The following CALN1 variants were observed in gnomAD, a reference collection of about 807,000 sequenced individuals.
The protein encoded by CALN1 is calcium-binding protein 8.
CALN1 carries 17 observed loss-of-function variants against 30.6 expected under a neutral mutation model. The observed-to-expected ratio is 0.56, with a 90% CI of 0.38 to 0.83. The LOEUF is 0.83. Ranked by LOEUF, CALN1 falls within the 40% of genes least tolerant of loss-of-function variation. The pLI is 0.00. For synonymous variants in CALN1, 156 were observed against 131.4 expected (o/e 1.19, Z -1.28); for missense variants, 291 against 354.9 (o/e 0.82, Z 1.45).
intron 4 of CALN1, among the ~76,000 whole-genome samples, chr7:72,065,678 A>G (rs1476830083): frequency 1.3e-5 from 2 of 152,000 alleles, no homozygotes; most frequent in Non-Finnish European, 2.9e-5. Context: ...TCTGTGTGGA[A>G]GTCAGGAGTT....
intron 1 of CALN1, among the ~76,000 whole-genome samples, chr7:72,404,483 G>C (rs1433633796): frequency 6.6e-6 from 1 of 152,242 alleles, no homozygotes; most frequent in Admixed American, 6.5e-5. Context: ...GGAAGACGTT[G>C]GTGATGAAAC....
At chr7:72,256,199 C>G (rs754555417) in intron 3 of CALN1, among the ~76,000 whole-genome samples, 1 of 152,146 alleles carries the variant, frequency 6.6e-6, no homozygotes. Context: ...TGGCTCACAC[C>G]TATGATCCCA....
At chr7:72,209,914 T>C (rs1201305044) in intron 3 of CALN1, among the ~76,000 whole-genome samples, 1 of 152,190 alleles carries the variant, frequency 6.6e-6, no homozygotes, top group African/African-American at 2.4e-5. Flanking sequence ...ACAATATCCT[T>C]GGTACACTTT....
intron 3 of CALN1, among the ~76,000 whole-genome samples, chr7:72,235,135 A>AAACTAAAAAT (rs1794390055): frequency 6.6e-6 from 1 of 152,018 alleles, no homozygotes; most frequent in African/African-American, 2.4e-5. Flanking sequence ...TTAGCCAGTC[A>AAACTAAAAAT]TGGTAGCATG....
intron 2 of CALN1, among the ~76,000 whole-genome samples, chr7:72,364,646 G>A (rs77512960): frequency 0.088 from 13,342 of 152,078 alleles, 1,075 homozygotes; most frequent in East Asian, 0.36. Context: ...TAGATCCTCA[G>A]GAATTCTGAA....
chr7:71,809,240 T>C (rs1176217832), intron 6 of CALN1, among the ~76,000 whole-genome samples: 1 of 151,958 alleles, frequency 6.6e-6, no homozygotes, highest in Admixed American at 6.6e-5. Flanking sequence ...CCTTTAATGC[T>C]GGGTCCATGA....
chr7:72,404,481 T>C (rs1375774149), intron 1 of CALN1, among the ~76,000 whole-genome samples: 2 of 152,134 alleles, frequency 1.3e-5, no homozygotes, highest in East Asian at 1.9e-4. Flanking sequence ...ATGGAAGACG[T>C]TGGTGATGAA....
chr7:72,453,882 C>T, the CALN1 span, among the ~76,000 whole-genome samples: 8 of 151,970 alleles, frequency 5.3e-5, no homozygotes, highest in Non-Finnish European at 7.4e-5. Flanking sequence ...AGTTGGAGCC[C>T]GCTGGCACAT....
chr7:72,305,077 AAG>A (rs756958542), intron 2 of CALN1, among the ~76,000 whole-genome samples: 3 of 152,140 alleles, frequency 2.0e-5, no homozygotes, highest in Non-Finnish European at 4.4e-5. Context: ...CAGGCCTCCA[AAG>A]AGAGCCTGGG....
At chr7:72,339,606 A>C (rs1019666475) in intron 2 of CALN1, among the ~76,000 whole-genome samples, 19 of 152,270 alleles carry the variant, frequency 1.2e-4, no homozygotes, top group African/African-American at 4.1e-4. Flanking sequence ...GTCTGTTCTT[A>C]TGCTGCTAAT....
chr7:71,812,689 G>A (rs1365033856), intron 5 of CALN1, among the ~76,000 whole-genome samples: 4 of 151,708 alleles, frequency 2.6e-5, no homozygotes, highest in South Asian at 2.1e-4. Context: ...TTTTTTTCTC[G>A]TAATGATCTT....
In CALN1 at chr7:72,106,187, C is replaced by T; in HGVS notation, c.352G>A (p.Glu118Lys). ...AAGCGCTGCATGATGATGGCCAGCT[C>T]CACCTCGCTTGGCATGTACCCCAAA... is the stretch of plus-strand genomic sequence containing the variant. ...RSLGYMPSEV[E>K]LAIIMQRLDM... Residue 118 changes from glutamate to lysine, a missense_variant, in exon 4 of 7, where the codon GAG becomes AAG. Physicochemically the swap from Glu to Lys is moderately conservative, Grantham distance 56. Around this residue, in one of 2 missense-constraint regions of CALN1, gnomAD observed 169 missense variants for 251.7 expected, o/e 0.67. Coordinates refer to ENST00000395275, the MANE Select transcript of CALN1 (RefSeq NM_031468.4). 1 of 1,614,084 alleles carries T rather than the reference C, an allele frequency of 6.2e-7. No homozygotes were observed. The highest frequency in any genetic ancestry group is 8.5e-7 in the Non-Finnish European group (1 of 1,180,026).
At chr7:72,032,089 C>T (rs1457534905) in intron 4 of CALN1, among the ~76,000 whole-genome samples, 1 of 113,652 alleles carries the variant, frequency 8.8e-6, no homozygotes, top group African/African-American at 3.4e-5. Flanking sequence ...GACAGAGTCT[C>T]ACTCTGTCAC....
chr7:72,115,299 G>A (rs1434652093), intron 3 of CALN1, among the ~76,000 whole-genome samples: 1 of 147,078 alleles, frequency 6.8e-6, no homozygotes, highest in Non-Finnish European at 1.5e-5. Flanking sequence ...TGGATACACT[G>A]CTGCTTTGTA....
intron 3 of CALN1, among the ~76,000 whole-genome samples, chr7:72,121,345 T>G (rs1808376358): frequency 6.9e-6 from 1 of 144,812 alleles, no homozygotes; most frequent in Non-Finnish European, 1.5e-5. Context: ...ATAAATTATA[T>G]TATATAATTA....
intron 2 of CALN1, among the ~76,000 whole-genome samples, chr7:72,365,440 T>A (rs1330031568): frequency 1.3e-5 from 2 of 152,124 alleles, no homozygotes; most frequent in Non-Finnish European, 2.9e-5. Context: ...GAGAAATACG[T>A]TTTCTAAAAA....
chr7:72,282,666 C>T (rs1345566903), intron 2 of CALN1, among the ~76,000 whole-genome samples: 1 of 152,174 alleles, frequency 6.6e-6, no homozygotes, highest in Non-Finnish European at 1.5e-5. Flanking sequence ...ACTTCCCAAC[C>T]CATAGAACTG....
chr7:72,045,468 C>T (rs182133062), intron 4 of CALN1, among the ~76,000 whole-genome samples: 42 of 152,296 alleles, frequency 2.8e-4, no homozygotes, highest in African/African-American at 8.2e-4. Flanking sequence ...AGTTTCAGCA[C>T]CTGCAAGTAA....
chr7:72,283,054 CAAA>C (rs34378708), intron 2 of CALN1, among the ~76,000 whole-genome samples: 26 of 122,290 alleles, frequency 2.1e-4, no homozygotes, highest in Admixed American at 4.1e-4. Context: ...GACTCCATCT[CAAA>C]AAAAAAAAAA....
Sources: gnomAD v4.1 joint callset for allele counts (sites outside exome capture counted in the v4.1 genomes callset) on GRCh38, gnomAD v4.1.1 for gene constraint, gnomAD v4.1.1 regional missense constraint, MANE v1.5 for transcripts, NCBI Gene and HGNC (gene_info 2026-07-23, HGNC 2026-07-21) for gene names.